The following LEMD3 variants were observed in gnomAD, a reference collection of about 807,000 sequenced individuals.
LEMD3 encodes the protein inner nuclear membrane protein Man1.
In LEMD3, 33 loss-of-function variants were observed where a neutral mutation model predicts 95.2. The observed-to-expected ratio is 0.35, with a 90% CI of 0.26 to 0.46. The LOEUF (loss-of-function observed/expected upper bound fraction) is 0.46. LEMD3 is among the 20% of genes least tolerant of loss of function. The pLI is 1.00. For synonymous variants in LEMD3, 525 were observed against 474.6 expected (o/e 1.11, Z -1.38); for missense variants, 1,210 against 1,192.8 (o/e 1.01, Z -0.21).
intron 10 of LEMD3, 24 bp downstream of exon 10, chr12:65,243,493 A>G (rs775625900): frequency 7.8e-6 from 10 of 1,276,710 alleles, no homozygotes; most frequent in African/African-American, 1.5e-5. Flanking sequence ...TCAGGGGTAC[A>G]TGTAACTCTT....
At position 65,169,750 on chromosome 12, in the gene LEMD3, C is replaced by A; in HGVS notation, c.154C>A (p.Gln52Lys). The A allele has an allele frequency of 6.3e-7, 1 of 1,592,860 alleles. No homozygotes were observed. Among genetic ancestry groups the A allele is most frequent in the Non-Finnish European group, 8.5e-7 (1 of 1,169,718 alleles). ...KLKKLREEEQQQHRSGGRGNK... is the reference protein window; with the variant it reads ...KLKKLREEEQKQHRSGGRGNK... ...GAAGAAGCTTCGAGAGGAAGAGCAG[C>A]AACAGCACCGGTCAGGGGGCCGCGG... Residue 52 changes from glutamine to lysine, a missense_variant, in exon 1 of 13, where the codon CAA (glutamine) becomes AAA (lysine). By Grantham distance (53) the Gln-to-Lys change is moderately conservative (BLOSUM62 1). This residue lies in a region of LEMD3 where 749 missense variants were observed against 622.9 expected (regional missense o/e 1.20). Coordinates refer to ENST00000308330, the MANE Select transcript of LEMD3 (RefSeq NM_014319.5).
At chr12:65,217,821 T>G (rs777662160) in intron 3 of LEMD3, among the ~76,000 whole-genome samples, 33 of 152,148 alleles carry the variant, frequency 2.2e-4, no homozygotes, top group Non-Finnish European at 4.3e-4. Context: ...CAATTTTTGT[T>G]TTTTAAGATT....
At chr12:65,245,804 G>A (rs1871088457) in intron 11 of LEMD3, 30 bp downstream of exon 11, 2 of 1,605,852 alleles carry the variant, frequency 1.2e-6, no homozygotes, top group East Asian at 4.5e-5. Flanking sequence ...TGAATTTCAT[G>A]TTTTGGATTT....
Position 65,240,040 on chromosome 12 carries a change from T to A in LEMD3, c.2023+10T>A. On this transcript the variant is annotated intron_variant, in intron 7 of 12. Transcript: ENST00000308330. ...GTGGTAAAGATTATAGGTATGATAT[T>A]TGTAAGAATCTCAACTATTTCTAGA... 6.3e-7 allele frequency: 1 copy of A among 1,578,334 alleles called. No individual in the cohort carries two copies.
chr12:65,235,234 T>G (rs1354801289), intron 4 of LEMD3, among the ~76,000 whole-genome samples: 1 of 152,170 alleles, frequency 6.6e-6, no homozygotes, highest in Non-Finnish European at 1.5e-5. Context: ...TCAGCTACAC[T>G]GATAACCTAT....
rs911019879 is a variant in LEMD3 at position 65,169,839 on chromosome 12, A to AGCGGCG, written c.252_257dup (p.Ala86_Ala87dup). On this transcript the variant is annotated inframe_insertion, in exon 1 of 13. Coordinates refer to ENST00000308330, the MANE Select transcript of LEMD3 (RefSeq NM_014319.5). ...CCGCCACGGTCGCAGCCGCGGGACC[A>AGCGGCG]GCGGCGGCGGCGGCCGCGGGGATGG... 1 of 1,463,422 alleles carries AGCGGCG rather than the reference A, an allele frequency of 6.8e-7. No individual in the cohort carries two copies. The highest frequency in any genetic ancestry group is 1.4e-5 in the South Asian group (1 of 71,884). 90.7% of individuals were successfully genotyped at this position (1,463,422 alleles called of 1,614,324 possible).
chr12:65,210,819 T>G (rs1216497999), intron 1 of LEMD3, 107 bp from the exon 2 acceptor site: 1 of 865,874 alleles, frequency 1.2e-6, no homozygotes, highest in African/African-American at 1.6e-5. Context: ...GTTCACATAT[T>G]TATATCCAGT....
intron 1 of LEMD3, among the ~76,000 whole-genome samples, chr12:65,210,411 A>G (rs1869901305): frequency 1.3e-5 from 2 of 152,154 alleles, no homozygotes; most frequent in African/African-American, 4.8e-5. Context: ...TATGAAGAGA[A>G]ATCAAATTAA....
intron 4 of LEMD3, 54 bp downstream of exon 4, chr12:65,218,673 C>A (rs944628580): frequency 3.1e-6 from 3 of 972,096 alleles, no homozygotes; most frequent in South Asian, 1.4e-5. Flanking sequence ...TTATATAAAT[C>A]ATTGCTACTT....
At chr12:65,224,879 T>G (rs1171714396) in intron 4 of LEMD3, among the ~76,000 whole-genome samples, 1 of 152,170 alleles carries the variant, frequency 6.6e-6, no homozygotes, top group Non-Finnish European at 1.5e-5. Flanking sequence ...CTTATATTGG[T>G]TGGCTTAATG....
At chr12:65,243,973 CAT>C (rs938647431) in intron 10 of LEMD3, among the ~76,000 whole-genome samples, 17 of 152,172 alleles carry the variant, frequency 1.1e-4, no homozygotes, top group African/African-American at 3.9e-4. Context: ...ATTCCAACAA[CAT>C]ATGCTTCCAG....
At chr12:65,220,726 A>G (rs1226664205) in intron 4 of LEMD3, among the ~76,000 whole-genome samples, 1 of 152,168 alleles carries the variant, frequency 6.6e-6, no homozygotes, top group Non-Finnish European at 1.5e-5. Flanking sequence ...TCTTTAATCC[A>G]TTTGGAGTTG....
chr12:65,208,582 G>GT (rs1263995468), intron 1 of LEMD3, among the ~76,000 whole-genome samples: 1 of 152,104 alleles, frequency 6.6e-6, no homozygotes, highest in Non-Finnish European at 1.5e-5. Flanking sequence ...AGATATTGGT[G>GT]TGTTTTTAGA....
chr12:65,192,397 C>G (rs1315664775), intron 1 of LEMD3, among the ~76,000 whole-genome samples: 4 of 152,086 alleles, frequency 2.6e-5, no homozygotes, highest in African/African-American at 9.7e-5. Flanking sequence ...TTGTCCTATA[C>G]CTGTATAGGT....
intron 4 of LEMD3, among the ~76,000 whole-genome samples, chr12:65,228,194 ATGCGGGGT>A (rs1331939993): frequency 2.0e-5 from 3 of 152,116 alleles, no homozygotes; most frequent in African/African-American, 7.2e-5. Flanking sequence ...AGGGACACAG[ATGCGGGGT>A]TGGGGTAAGT....
rs57423350 is a variant in LEMD3 at position 65,221,736 on chromosome 12, CT to C, written c.1695+3135del. ...TTCCTGATCTTAGAGGAAAATCTCT[CT>C]TTTTTTTTTTTTTTTTTCCTTGAGA... On this transcript the variant is annotated intron_variant, in intron 4 of 12. Transcript: ENST00000308330. Among the ~76,000 whole-genome samples, 204 of 127,210 alleles carry C rather than the reference CT, an allele frequency of 1.6e-3. 1 individual carries two copies. The highest frequency in any genetic ancestry group is 1.7e-3 in the Non-Finnish European group (102 of 61,152). 83.5% of individuals were successfully genotyped at this position (127,210 alleles called of 152,430 possible).
intron 1 of LEMD3, among the ~76,000 whole-genome samples, chr12:65,206,352 A>T (rs937460968): frequency 5.9e-5 from 9 of 152,174 alleles, no homozygotes; most frequent in Non-Finnish European, 1.2e-4. Flanking sequence ...TTTTAGATAC[A>T]AGAGACTGCC....
In LEMD3 at chr12:65,243,357, T is replaced by C. The variant is rs995176435; in HGVS notation, c.2306-31T>C. The C allele has an allele frequency of 3.9e-6, 5 of 1,282,548 alleles. No individual in the cohort carries two copies. In the African/African-American group the frequency reaches 7.3e-5, roughly 19 times the overall value. The allele number at this position is 1,282,548 out of a possible 1,614,324, so 79.4% of individuals were successfully genotyped here. Reference sequence around the variant, plus strand: ...TACCTTTCAACAAACTAGAACAATGTCAAATAGTAAAACTAACTTGTTTTT... The same window carrying C: ...TACCTTTCAACAAACTAGAACAATGCCAAATAGTAAAACTAACTTGTTTTT... On this transcript the variant is annotated intron_variant, in intron 9 of 12. Transcript: ENST00000308330.
chr12:65,246,444 GAACGTTCCAGAAGTCTT>G lies in LEMD3; in HGVS notation c.*122_*138del. ...TATTTTTATTGATGAATACATCTCT[GAACGTTCCAGAAGTCTT>G]AAGGTTCCAAAGGGATTTAGCAGTG... On this transcript the variant is annotated 3_prime_UTR_variant, in exon 13 of 13. Transcript: ENST00000308330. 1 of 805,936 alleles carries G rather than the reference GAACGTTCCAGAAGTCTT, an allele frequency of 1.2e-6. No individual in the cohort carries two copies. Among genetic ancestry groups the G allele is most frequent in the Non-Finnish European group, 2.1e-6 (1 of 476,960 alleles). The allele number at this position is 805,936 out of a possible 1,614,324, so 49.9% of individuals were successfully genotyped here. A position where few individuals can be genotyped will look rare whatever the true frequency, so the allele number is the denominator to read the frequency against.
Sources: gnomAD v4.1 joint callset for allele counts (sites outside exome capture counted in the v4.1 genomes callset) on GRCh38, gnomAD v4.1.1 for gene constraint, gnomAD v4.1.1 regional missense constraint, MANE v1.5 for transcripts, NCBI Gene and HGNC (gene_info 2026-07-23, HGNC 2026-07-21) for gene names.